RBM41: variants seen among roughly 807,000 people sequenced by gnomAD.
RBM41 encodes RNA binding motif protein 41.
In RBM41, 14 loss-of-function variants were observed where a neutral mutation model predicts 30.8. The ratio of observed to expected loss-of-function variants is 0.45; its 90% CI spans 0.30 to 0.71. The LOEUF (loss-of-function observed/expected upper bound fraction) is 0.71. RBM41 is among the 30% of genes least tolerant of loss of function. The probability of loss-of-function intolerance (pLI) is 0.08; values close to 1 mark genes in which losing one functional copy is unlikely to be tolerated. For synonymous variants in RBM41, 120 were observed against 110.1 expected (o/e 1.09, Z -0.56); for missense variants, 276 against 326.3 (o/e 0.85, Z 1.19).
intron 6 of RBM41, among the ~76,000 whole-genome samples, chrX:107,081,655 CTG>C (rs761343004): frequency 3.6e-5 from 4 of 112,197 alleles, no homozygotes; most frequent in African/African-American, 6.5e-5. Flanking sequence ...CAAAATGTCT[CTG>C]TGTTTATTTA....
At chrX:107,103,949 G>A (rs1354136885) in intron 5 of RBM41, among the ~76,000 whole-genome samples, 1 of 110,839 alleles carries the variant, frequency 9.0e-6, no homozygotes, top group Non-Finnish European at 1.9e-5. Context: ...GAGATGGTCC[G>A]ATGATTGTCT....
At chrX:107,090,955 C>T (rs1233897917) in intron 5 of RBM41, among the ~76,000 whole-genome samples, 1 of 109,254 alleles carries the variant, frequency 9.2e-6, no homozygotes, top group Admixed American at 9.8e-5. Context: ...GCTCTCCCTC[C>T]CCTTTCCCTC....
At chrX:107,060,518 G>A (rs1190761362), downstream of RBM41, among the ~76,000 whole-genome samples, 2 of 111,213 alleles carry the variant, frequency 1.8e-5, no homozygotes, top group Non-Finnish European at 1.9e-5. Flanking sequence ...CATCTTGGAA[G>A]GGGAGAATAG....
chrX:107,097,276 G>C (rs1923058482), intron 5 of RBM41, among the ~76,000 whole-genome samples: 1 of 111,792 alleles, frequency 8.9e-6, no homozygotes, highest in East Asian at 2.8e-4. Context: ...AGCTAAAAGT[G>C]GAAACAACAT....
rs1202676973 is a variant in RBM41 at position 107,063,952 on chromosome X, C to CTT, written c.*3573_*3574dup. Among the ~76,000 whole-genome samples the CTT allele has an allele frequency of 7.7e-5, 7 of 90,902 alleles. No individual in the cohort carries two copies. Among genetic ancestry groups the CTT allele is most frequent in the East Asian group, 6.8e-4 (2 of 2,956 alleles). 78.9% of individuals were successfully genotyped at this position (90,902 alleles called of 115,157 possible). ...AGGTTAGTGCTATGGTCTTTCTTTT[C>CTT]TTTTTTTTTTTTTTTTTGAGATGGA... On this transcript the variant is annotated 3_prime_UTR_variant, in exon 8 of 8. Coordinates refer to ENST00000685964, the MANE Select transcript of RBM41 (RefSeq NM_001324242.2).
At chrX:107,053,152 C>T in the RBM41 span, among the ~76,000 whole-genome samples, 1 of 112,781 alleles carries the variant, frequency 8.9e-6, no homozygotes, top group East Asian at 2.8e-4. Context: ...GCCTAGCACT[C>T]CTGCTCTGAT....
At chrX:107,071,147 GC>G (rs2147879801) in intron 6 of RBM41, among the ~76,000 whole-genome samples, 1 of 105,419 alleles carries the variant, frequency 9.5e-6, no homozygotes, top group African/African-American at 3.5e-5. Flanking sequence ...GTTTTACCAT[GC>G]CCTATACCTA....
At chrX:107,076,068 A>G (rs1253437759) in intron 6 of RBM41, among the ~76,000 whole-genome samples, 1 of 110,948 alleles carries the variant, frequency 9.0e-6, no homozygotes, top group East Asian at 2.8e-4. Flanking sequence ...CTGTAATCTC[A>G]GCATTTTGGG....
chrX:107,074,913 C>A (rs983234308), intron 6 of RBM41, among the ~76,000 whole-genome samples: 5 of 111,694 alleles, frequency 4.5e-5, no homozygotes, highest in Non-Finnish European at 7.5e-5. Flanking sequence ...AAAAAACAAT[C>A]CCCAAATTCA....
intron 5 of RBM41, among the ~76,000 whole-genome samples, chrX:107,109,472 T>C (rs1924273486): frequency 9.0e-6 from 1 of 111,658 alleles, no homozygotes; most frequent in Non-Finnish European, 1.9e-5. Flanking sequence ...GAAATTTGAG[T>C]CTTCTTTCTG....
intron 5 of RBM41, among the ~76,000 whole-genome samples, chrX:107,094,339 T>C (rs1602587606): frequency 1.8e-5 from 2 of 112,112 alleles, no homozygotes; most frequent in East Asian, 5.6e-4. Flanking sequence ...TCCAGCAACA[T>C]ACAAAATAAT....
chrX:107,099,689 G>A (rs1416279035), intron 5 of RBM41, among the ~76,000 whole-genome samples: 1 of 72,365 alleles, frequency 1.4e-5, no homozygotes, highest in Admixed American at 1.6e-4. Flanking sequence ...ATCCTGAAAG[G>A]TACACACACA....
chrX:107,065,538 T>C lies in RBM41; in HGVS notation c.*1989A>G. On this transcript the variant is annotated 3_prime_UTR_variant, in exon 8 of 8. Coordinates refer to ENST00000685964, the MANE Select transcript of RBM41 (RefSeq NM_001324242.2). ...GTGGTATTATTGTTATATATGTTAT[T>C]CCTATACATTACAAACCCAACACAC... The C allele has an allele frequency of 3.2e-6, 1 of 308,704 alleles. No individual in the cohort carries two copies. Among genetic ancestry groups the C allele is most frequent in the South Asian group, 8.5e-5 (1 of 11,714 alleles). The allele number at this position is 308,704 out of a possible 1,213,427, so 25.4% of individuals were successfully genotyped here. A position where few individuals can be genotyped will look rare whatever the true frequency, so the allele number is the denominator to read the frequency against.
chrX:107,115,184 CA>C, intron 4 of RBM41, 167 bp downstream of exon 4: 1 of 501,501 alleles, frequency 2.0e-6, no homozygotes, highest in Non-Finnish European at 3.3e-6. Flanking sequence ...TGTTGTCATG[CA>C]ACTAACTGTG....
chrX:107,068,162 A>G lies in RBM41; in HGVS notation c.1148-469T>C, dbSNP rs5962380. On this transcript the variant is annotated intron_variant, in intron 7 of 7. Coordinates refer to ENST00000685964, the MANE Select transcript of RBM41 (RefSeq NM_001324242.2). ...CCTTATTGGGATAAATAAGTATAAG[A>G]ACACTTGTAGGCATATTGAAGGTTG... is the stretch of plus-strand genomic sequence containing the variant. Among the ~76,000 whole-genome samples the G allele has an allele frequency of 7.8e-3, 868 of 111,083 alleles. 10 individuals are homozygous for G. Among genetic ancestry groups the G allele is most frequent in the African/African-American group, 0.027 (832 of 30,617 alleles).
intron 6 of RBM41, among the ~76,000 whole-genome samples, chrX:107,074,632 T>C (rs1410837575): frequency 9.0e-6 from 1 of 111,198 alleles, no homozygotes; most frequent in African/African-American, 3.3e-5. Flanking sequence ...ATGAACAATA[T>C]GAAGAGGAAA....
intron 6 of RBM41, among the ~76,000 whole-genome samples, chrX:107,072,878 A>G (rs1936111810): frequency 9.0e-6 from 1 of 111,446 alleles, no homozygotes; most frequent in Admixed American, 9.6e-5. Context: ...AGACACCAAG[A>G]ACATCAGTTG....
At chrX:107,116,617 A>G (rs1924895018) in intron 2 of RBM41, 33 bp downstream of exon 2, 2 of 1,204,738 alleles carry the variant, frequency 1.7e-6, no homozygotes, top group Non-Finnish European at 2.2e-6. Context: ...GTAAGAGTCT[A>G]TGATACTCTC....
At chrX:107,101,157 A>G (rs1053888918) in intron 5 of RBM41, among the ~76,000 whole-genome samples, 3 of 111,646 alleles carry the variant, frequency 2.7e-5, no homozygotes, top group African/African-American at 9.8e-5. Flanking sequence ...GGCAGTAGTT[A>G]TATCTAGTGG....
Sources: allele counts gnomAD v4.1 joint callset (sites outside exome capture counted in the v4.1 genomes callset), GRCh38; gene constraint gnomAD v4.1.1; transcripts MANE v1.5; gene names NCBI Gene and HGNC (gene_info 2026-07-23, HGNC 2026-07-21).